Variants in ATP9A observed in about 807,000 individuals in gnomAD.
ATP9A encodes the protein probable phospholipid-transporting ATPase IIA.
In ATP9A, 52 loss-of-function variants were observed where a neutral mutation model predicts 144.1. The ratio of observed to expected loss-of-function variants is 0.36; its 90% confidence interval spans 0.29 to 0.45. The LOEUF (loss-of-function observed/expected upper bound fraction) is 0.45. Ranked by LOEUF, ATP9A falls within the 20% of genes least tolerant of loss-of-function variation. The pLI, the probability that ATP9A is intolerant of heterozygous loss-of-function variation, is 1.00. For synonymous variants in ATP9A, 582 were observed against 557.4 expected (o/e 1.04, Z -0.62); for missense variants, 947 against 1,392.7 (o/e 0.68, Z 5.09).
chr20:51,745,106 G>GT (rs1568845172), intron 1 of ATP9A, among the ~76,000 whole-genome samples: 2 of 151,966 alleles, frequency 1.3e-5, no homozygotes, highest in African/African-American at 4.8e-5. Flanking sequence ...AAACCCTGCC[G>GT]TCTCTACTAA....
intron 7 of ATP9A, 135 bp downstream of exon 7, chr20:51,693,873 C>T (rs1462705071): frequency 2.8e-6 from 2 of 710,618 alleles, no homozygotes; most frequent in African/African-American, 3.6e-5. Flanking sequence ...GGCCCAGGGG[C>T]TCTCCAGGAC....
chr20:51,749,994 A>C (rs1032086965), intron 1 of ATP9A, among the ~76,000 whole-genome samples: 3 of 152,020 alleles, frequency 2.0e-5, no homozygotes, highest in African/African-American at 7.2e-5. Context: ...AAAGAAAAAA[A>C]GTCCAATAAA....
At chr20:51,765,581 T>G (rs1423281874) in intron 1 of ATP9A, among the ~76,000 whole-genome samples, 1 of 146,332 alleles carries the variant, frequency 6.8e-6, no homozygotes, top group Non-Finnish European at 1.5e-5. Context: ...GAACCTGGAA[T>G]GCGGACGTTG....
At chr20:51,648,506 C>T (rs765480963) in intron 14 of ATP9A, among the ~76,000 whole-genome samples, 3 of 152,232 alleles carry the variant, frequency 2.0e-5, no homozygotes, top group African/African-American at 4.8e-5. Context: ...CTGTGGTGTA[C>T]GTACGCAGAA....
At chr20:51,648,511 G>A (rs372680727) in intron 14 of ATP9A, among the ~76,000 whole-genome samples, 2 of 152,136 alleles carry the variant, frequency 1.3e-5, no homozygotes, top group African/African-American at 2.4e-5. Context: ...GTGTACGTAC[G>A]CAGAAGAATA....
rs769608162 is a variant in ATP9A at position 51,622,143 on chromosome 20, C to T, written c.2046G>A (p.Glu682=). 6.2e-7 allele frequency: 1 copy of T among 1,614,116 alleles called. No homozygotes were observed. Residue 682 remains glutamate (E), a synonymous_variant, in exon 19 of 28, where the codon GAG becomes GAA. Coordinates refer to ENST00000338821, the MANE Select transcript of ATP9A (RefSeq NM_006045.3). The stretch of plus-strand genomic sequence containing the variant: ...CATTCTTCGCTGTGCACGTAGCTGT[C>T]TCCAGCTTGTCCCCTGTCAGCATCC... ...KVWMLTGDKL[E]TATCTAKNAH...
chr20:51,763,352 G>A (rs896632882), intron 1 of ATP9A, among the ~76,000 whole-genome samples: 9 of 146,282 alleles, frequency 6.2e-5, no homozygotes, highest in South Asian at 2.2e-4. Context: ...TCGCTGTGTC[G>A]CCCAGGCTAC....
In ATP9A at chr20:51,651,165, T is replaced by C. The variant is rs866929521; in HGVS notation, c.1506+5773A>G. Reference sequence around the variant, plus strand: ...CTCTCTCTCTCTCCATATATATATATACACACACACACACAAAGTAAATAT... The same window carrying C: ...CTCTCTCTCTCTCCATATATATATACACACACACACACACAAAGTAAATAT... On this transcript the variant is annotated intron_variant, in intron 14 of 27. Coordinates refer to ENST00000338821, the MANE Select transcript of ATP9A (RefSeq NM_006045.3). Among the ~76,000 whole-genome samples the C allele has an allele frequency of 8.4e-4, 118 of 140,288 alleles. 2 individuals carry two copies. The highest frequency in any genetic ancestry group is 2.9e-3 in the African/African-American group (107 of 37,326). The allele number at this position is 140,288 out of a possible 152,430, so 92.0% of individuals were successfully genotyped here.
chr20:51,760,541 A>C (rs1048776334), intron 1 of ATP9A, among the ~76,000 whole-genome samples: 40 of 152,224 alleles, frequency 2.6e-4, no homozygotes, highest in Middle Eastern at 3.4e-3. Context: ...AGCCTGGCCA[A>C]CATGGCGAAA....
intron 13 of ATP9A, among the ~76,000 whole-genome samples, chr20:51,668,375 CT>C (rs1411176319): frequency 6.6e-6 from 1 of 151,686 alleles, no homozygotes; most frequent in African/African-American, 2.4e-5. Flanking sequence ...GTACAGCATC[CT>C]TATGAGCCAC....
intron 15 of ATP9A, among the ~76,000 whole-genome samples, chr20:51,636,468 C>T (rs1460934464): frequency 1.3e-5 from 2 of 152,284 alleles, no homozygotes; most frequent in East Asian, 1.9e-4. Flanking sequence ...TGAAGCAATA[C>T]GTAGTTAATA....
At chr20:51,699,494 T>C (rs2077584649) in intron 4 of ATP9A, among the ~76,000 whole-genome samples, 1 of 152,188 alleles carries the variant, frequency 6.6e-6, no homozygotes, top group South Asian at 2.1e-4. Flanking sequence ...TTTCAGAGCA[T>C]TCCAATGTTT....
chr20:51,729,094 T>C (rs965866685), intron 2 of ATP9A, among the ~76,000 whole-genome samples: 2 of 152,188 alleles, frequency 1.3e-5, no homozygotes, highest in Admixed American at 6.5e-5. Flanking sequence ...AAGATTAAAA[T>C]GCATCTTTAT....
chr20:51,671,327 T>A, intron 11 of ATP9A, 70 bp from the exon 12 acceptor site: 1 of 1,554,646 alleles, frequency 6.4e-7, no homozygotes, highest in Non-Finnish European at 8.8e-7. Flanking sequence ...TATAAAAACA[T>A]GGACTCTAAA....
At chr20:51,648,388 CA>C (rs1435333769) in intron 14 of ATP9A, among the ~76,000 whole-genome samples, 1 of 152,100 alleles carries the variant, frequency 6.6e-6, no homozygotes, top group Non-Finnish European at 1.5e-5. Context: ...CACACATGGT[CA>C]AAGATGTGCA....
intron 19 of ATP9A, among the ~76,000 whole-genome samples, chr20:51,619,926 C>T (rs1290600677): frequency 6.7e-6 from 1 of 149,776 alleles, no homozygotes; most frequent in Non-Finnish European, 1.5e-5. Flanking sequence ...TTGGATGATG[C>T]ATTCGGTGGA....
chr20:51,733,030 A>T (rs1207940816), intron 1 of ATP9A, among the ~76,000 whole-genome samples: 2 of 152,064 alleles, frequency 1.3e-5, no homozygotes, highest in African/African-American at 2.4e-5. Context: ...AATTTAAGAG[A>T]ATCACAAACT....
At chr20:51,743,259 G>A (rs571668693) in intron 1 of ATP9A, among the ~76,000 whole-genome samples, 1 of 152,292 alleles carries the variant, frequency 6.6e-6, no homozygotes, top group South Asian at 2.1e-4. Context: ...TGTGGCAGCT[G>A]TCACGTTGGT....
chr20:51,676,559 A>G (rs2077478095), intron 9 of ATP9A, among the ~76,000 whole-genome samples: 1 of 152,050 alleles, frequency 6.6e-6, no homozygotes, highest in Non-Finnish European at 1.5e-5. Context: ...GCTTACTGCA[A>G]CCTCTACCTC....
Sources: gnomAD v4.1 joint callset for allele counts (sites outside exome capture counted in the v4.1 genomes callset) on GRCh38, gnomAD v4.1.1 for gene constraint, MANE v1.5 for transcripts, NCBI Gene and HGNC (gene_info 2026-07-23, HGNC 2026-07-21) for gene names.